Variants in TRPM7 observed in about 807,000 individuals in gnomAD.
TRPM7 encodes LTRPC ion channel family member 7.
A neutral mutation model predicts 229.7 loss-of-function variants in TRPM7; 134 were observed. The observed-to-expected ratio is 0.58, with a 90% confidence interval of 0.51 to 0.67. The LOEUF (loss-of-function observed/expected upper bound fraction) is 0.67, where lower values mean the gene tolerates loss of function less well. TRPM7 is among the 30% of genes least tolerant of loss of function. The probability of loss-of-function intolerance (pLI) is 0.00; values close to 1 mark genes in which losing one functional copy is unlikely to be tolerated. For synonymous variants in TRPM7, 699 were observed against 715.2 expected (o/e 0.98, Z 0.36); for missense variants, 1,901 against 2,210.0 (o/e 0.86, Z 2.80).
At chr15:50,630,152 G>A (rs907857486) in intron 10 of TRPM7, among the ~76,000 whole-genome samples, 5 of 151,876 alleles carry the variant, frequency 3.3e-5, no homozygotes, top group African/African-American at 7.3e-5. Context: ...GTGAGCCAGC[G>A]CACGCAGCCT....
intron 1 of TRPM7, among the ~76,000 whole-genome samples, chr15:50,663,810 A>C (rs2061799730): frequency 6.6e-6 from 1 of 152,082 alleles, no homozygotes; most frequent in South Asian, 2.1e-4. Context: ...CAAAAGCTAA[A>C]AAATTAGCCA....
At chr15:50,644,753 T>C (rs2061208540) in intron 4 of TRPM7, among the ~76,000 whole-genome samples, 1 of 134,958 alleles carries the variant, frequency 7.4e-6, no homozygotes. Context: ...GCTGAGACTG[T>C]GCCATTGCAC....
rs139707025 is a variant in TRPM7 at position 50,637,669 on chromosome 15, C to T, written c.661-76G>A. The T allele has an allele frequency of 2.4e-4, 307 of 1,261,554 alleles. 2 individuals are homozygous for T. In the African/African-American group the frequency reaches 3.9e-3, roughly 16 times the overall value. The allele number at this position is 1,261,554 out of a possible 1,614,324, so 78.1% of individuals were successfully genotyped here. ...ATGTAAAATAAATTTTGAAATAATC[C>T]GTAAAGACAAGTAAGAAGTAAAATT... is the stretch of plus-strand genomic sequence containing the variant. On this transcript the variant is annotated intron_variant, in intron 6 of 38. Transcript: ENST00000646667.
At chr15:50,613,998 T>C (rs1193202152) in intron 14 of TRPM7, 125 bp downstream of exon 14, 14 of 1,340,898 alleles carry the variant, frequency 1.0e-5, no homozygotes, top group Non-Finnish European at 1.3e-5. Flanking sequence ...CTAATTGCTC[T>C]TAGTTGAAAA....
chr15:50,634,489 A>G lies in TRPM7; in HGVS notation c.900T>C (p.Val300=), dbSNP rs2060830651. The change falls in exon 8 of 39, where the codon GTT becomes GTC. Residue 300 remains valine, a synonymous_variant. Transcript: ENST00000646667. ...GGGGGCTTTCCTGAAGGTATTCAAGAACTGTGAGGATAACATTTGGCCCAC... is the reference window on the plus strand; with the variant it reads ...GGGGGCTTTCCTGAAGGTATTCAAGGACTGTGAGGATAACATTTGGCCCAC... ...FEGGPNVILT[V]LEYLQESPPV... The G allele has an allele frequency of 1.3e-6, 2 of 1,581,586 alleles. No individual in the cohort carries two copies. Among genetic ancestry groups the G allele is most frequent in the African/African-American group, 1.4e-5 (1 of 72,330 alleles).
intron 1 of TRPM7, among the ~76,000 whole-genome samples, chr15:50,677,240 T>C (rs1479956144): frequency 1.3e-5 from 2 of 152,078 alleles, no homozygotes; most frequent in Non-Finnish European, 2.9e-5. Flanking sequence ...TCTCTTCTTC[T>C]AAGGACATAA....
In TRPM7 at chr15:50,592,665, A is replaced by G. The variant is rs763454681; in HGVS notation, c.3609-39T>C. The stretch of plus-strand genomic sequence containing the variant: ...ATAAGCTTTTTTTACAAATGTGAAA[A>G]AATAATGTAGAATTTTATTTTGTAG... On this transcript the variant is annotated intron_variant, in intron 25 of 38. Coordinates refer to ENST00000646667, the MANE Select transcript of TRPM7 (RefSeq NM_017672.6). The G allele has an allele frequency of 5.8e-6, 8 of 1,369,728 alleles. No individual in the cohort carries two copies. The African/African-American group carries it at 1.2e-4, about 20-fold the overall frequency. 84.8% of individuals were successfully genotyped at this position (1,369,728 alleles called of 1,614,324 possible).
chr15:50,650,192 C>CAAAAAAAAAAAAA (rs59579538), intron 3 of TRPM7, among the ~76,000 whole-genome samples: 3 of 62,290 alleles, frequency 4.8e-5, no homozygotes, highest in African/African-American at 7.2e-5. Context: ...GACTTTGTCT[C>CAAAAAAAAAAAAA]AAAAAAAAAA....
intron 10 of TRPM7, among the ~76,000 whole-genome samples, chr15:50,629,859 CTTTTTTTTTTTTT>C (rs33991422): frequency 2.8e-5 from 3 of 106,518 alleles, no homozygotes; most frequent in Non-Finnish European, 3.6e-5. Context: ...TCTTTTTAAC[CTTTTTTTTTTTTT>C]TTTTTTTTGG....
At chr15:50,614,433 G>T (rs934884989) in intron 13 of TRPM7, among the ~76,000 whole-genome samples, 170 bp from the exon 14 acceptor site, 2 of 152,184 alleles carry the variant, frequency 1.3e-5, no homozygotes, top group African/African-American at 4.8e-5. Flanking sequence ...GGGAGGCCAA[G>T]GCGGGTGCAT....
At chr15:50,599,563 A>G (rs560085429) in intron 21 of TRPM7, 7 of 284,786 alleles carry the variant, frequency 2.5e-5, no homozygotes, top group Middle Eastern at 1.1e-3. Flanking sequence ...CACTGGTTCA[A>G]ACTGAAGTGT....
chr15:50,565,460 T>G (rs2053557440), intron 38 of TRPM7, among the ~76,000 whole-genome samples: 1 of 152,128 alleles, frequency 6.6e-6, no homozygotes, highest in Non-Finnish European at 1.5e-5. Context: ...ATGTTAATAT[T>G]AGAAAAAGTA....
chr15:50,564,610 T>C (rs2053507202), intron 38 of TRPM7, among the ~76,000 whole-genome samples: 1 of 152,066 alleles, frequency 6.6e-6, no homozygotes, highest in South Asian at 2.1e-4. Flanking sequence ...TATAGGTATA[T>C]GTGTGTCATG....
In TRPM7 at chr15:50,557,308, A is replaced by T; in HGVS notation, c.*4370T>A. ...CATTCAGATTTTTTTTTCTTACAGT[A>T]TGCCCATCACAAACCAGGCAGCAAG... On this transcript the variant is annotated 3_prime_UTR_variant, in exon 39 of 39. Coordinates refer to ENST00000646667, the MANE Select transcript of TRPM7 (RefSeq NM_017672.6). 6.6e-6 allele frequency: 1 copy of T among 152,162 alleles called. No homozygotes were observed. Among genetic ancestry groups the T allele is most frequent in the Non-Finnish European group, 1.5e-5 (1 of 68,030 alleles). The allele number at this position is 152,162 out of a possible 1,614,324, so 9.4% of individuals were successfully genotyped here. A position where few individuals can be genotyped will look rare whatever the true frequency, so the allele number is the denominator to read the frequency against.
intron 3 of TRPM7, among the ~76,000 whole-genome samples, chr15:50,651,253 A>C (rs1247500632): frequency 6.6e-6 from 1 of 152,218 alleles, no homozygotes; most frequent in East Asian, 1.9e-4. Flanking sequence ...AACTATCAAT[A>C]AAATAAAATC....
chr15:50,576,441 CCTA>C (rs1203175613), intron 31 of TRPM7, among the ~76,000 whole-genome samples: 2 of 152,090 alleles, frequency 1.3e-5, no homozygotes, highest in African/African-American at 4.8e-5. Flanking sequence ...TAAAAAGAAA[CCTA>C]CTGTCTTGCA....
chr15:50,652,894 G>A (rs7179641), intron 3 of TRPM7, among the ~76,000 whole-genome samples: 16,588 of 152,138 alleles, frequency 0.11, 971 homozygotes, highest in African/African-American at 0.14. Context: ...GGGCACACTG[G>A]CTCGTGCCTG....
intron 1 of TRPM7, among the ~76,000 whole-genome samples, chr15:50,678,246 AAAAAACAAAAAC>A (rs1259251319): frequency 0.037 from 5,288 of 142,530 alleles, 378 homozygotes; most frequent in Middle Eastern, 0.069. Context: ...TCTCAAAAAA[AAAAAACAAAAAC>A]AAAAACAAAA....
At chr15:50,570,273 T>C (rs2053812367) in intron 36 of TRPM7, 118 bp from the exon 37 acceptor site, 1 of 721,396 alleles carries the variant, frequency 1.4e-6, no homozygotes, top group Non-Finnish European at 2.2e-6. Flanking sequence ...ATCATTACAA[T>C]GTTAAACTAT....
Sources: allele counts gnomAD v4.1 joint callset (sites outside exome capture counted in the v4.1 genomes callset), GRCh38; gene constraint gnomAD v4.1.1; transcripts MANE v1.5; gene names NCBI Gene and HGNC (gene_info 2026-07-23, HGNC 2026-07-21).